FARS2: variants seen among roughly 807,000 people sequenced by gnomAD.
FARS2 encodes phenylalanyl-tRNA synthetase 2, mitochondrial, also known as phenylalanine--tRNA ligase, mitochondrial.
In FARS2, 40 loss-of-function variants were observed where a neutral mutation model predicts 46.4. The ratio of observed to expected loss-of-function variants is 0.86; its 90% CI spans 0.67 to 1.12. FARS2 has a LOEUF of 1.12. Among genes scored for constraint, FARS2 ranks in the 50% most tolerant of loss-of-function variants. The pLI is 0.00. For missense variants in FARS2, 513 were observed against 567.9 expected, an observed-to-expected ratio of 0.90 and a Z score of 0.98; for synonymous variants, 234 against 214.9, an observed-to-expected ratio of 1.09 and a Z score of -0.78.
chr6:5,692,086 C>T (rs940445513), intron 6 of FARS2, among the ~76,000 whole-genome samples: 5 of 152,242 alleles, frequency 3.3e-5, no homozygotes, highest in Non-Finnish European at 7.3e-5. Context: ...TGCCATCTGT[C>T]ACCCCTTTCT....
At chr6:5,468,446 T>C (rs200209) in intron 4 of FARS2, among the ~76,000 whole-genome samples, 132,717 of 152,158 alleles carry the variant, frequency 0.87, 58,155 homozygotes, top group East Asian at 1. Context: ...TTACAATAAT[T>C]GAATTCCCTT....
intron 5 of FARS2, among the ~76,000 whole-genome samples, chr6:5,577,658 A>G (rs1773065395): frequency 6.6e-6 from 1 of 152,190 alleles, no homozygotes. Flanking sequence ...ACTGCTTACT[A>G]AAACTATAGA....
intron 4 of FARS2, among the ~76,000 whole-genome samples, chr6:5,463,910 G>A (rs1344583834): frequency 6.6e-6 from 1 of 152,174 alleles, no homozygotes; most frequent in Middle Eastern, 3.2e-3. Flanking sequence ...CCTTGTTAAA[G>A]TGAAGGAATG....
chr6:5,509,631 A>G (rs1768309251), intron 4 of FARS2, among the ~76,000 whole-genome samples: 1 of 152,172 alleles, frequency 6.6e-6, no homozygotes, highest in African/African-American at 2.4e-5. Flanking sequence ...ATAATGATGG[A>G]GAAAAGGATG....
At position 5,764,716 on chromosome 6, in the gene FARS2, A is replaced by T. The variant is rs879639440; in HGVS notation, c.1218-6575A>T. Among the ~76,000 whole-genome samples the T allele has an allele frequency of 6.6e-6, 1 of 152,158 alleles. No homozygotes were observed. Among genetic ancestry groups the T allele is most frequent in the Non-Finnish European group, 1.5e-5 (1 of 68,026 alleles). ...TCTGTCACAGATGGAGAAGCAGACTATTGTGGATGTTGCAGGAGCTGGGAT... is the reference window on the plus strand; with the variant it reads ...TCTGTCACAGATGGAGAAGCAGACTTTTGTGGATGTTGCAGGAGCTGGGAT... On this transcript the variant is annotated intron_variant, in intron 6 of 6. Coordinates refer to ENST00000274680, the MANE Select transcript of FARS2 (RefSeq NM_006567.5). This position sits in a 1 kb window ranked among gnomAD's most constrained non-coding sequence, Gnocchi z 4.1.
At chr6:5,510,551 C>T (rs765798644) in intron 4 of FARS2, among the ~76,000 whole-genome samples, 7 of 152,222 alleles carry the variant, frequency 4.6e-5, no homozygotes, top group Non-Finnish European at 8.8e-5. Context: ...GGTGGGCACA[C>T]GGTGCCTTTT....
At chr6:5,680,752 T>G (rs1194433356) in intron 6 of FARS2, among the ~76,000 whole-genome samples, 1 of 151,840 alleles carries the variant, frequency 6.6e-6, no homozygotes, top group Non-Finnish European at 1.5e-5. Flanking sequence ...TTTTTTTTTT[T>G]TGCTTCTACA....
intron 6 of FARS2, among the ~76,000 whole-genome samples, chr6:5,629,472 T>TATAC (rs34185929): frequency 0.057 from 8,664 of 152,154 alleles, 726 homozygotes; most frequent in African/African-American, 0.19. Flanking sequence ...GTTGCCCACG[T>TATAC]ATACAGACAG....
chr6:5,558,606 G>T (rs1258697546), intron 5 of FARS2, among the ~76,000 whole-genome samples: 3 of 151,794 alleles, frequency 2.0e-5, no homozygotes, highest in Non-Finnish European at 4.4e-5. Flanking sequence ...GCATGATCTC[G>T]GCTCACTGCA....
At chr6:5,260,611 G>GGCCCCCCCC, upstream of FARS2, 28 of 1,377,676 alleles carry the variant, frequency 2.0e-5, no homozygotes, top group Non-Finnish European at 2.6e-5. Flanking sequence ...CCGGCCCCTG[G>GGCCCCCCCC]CCCCCCGCCC....
At chr6:5,580,754 C>A (rs1279759022) in intron 5 of FARS2, among the ~76,000 whole-genome samples, 2 of 152,180 alleles carry the variant, frequency 1.3e-5, no homozygotes, top group Non-Finnish European at 2.9e-5. Context: ...AGTTGGGAAA[C>A]CATTCTCAGG....
chr6:5,513,806 C>G (rs1270022244), intron 4 of FARS2, among the ~76,000 whole-genome samples: 9 of 152,118 alleles, frequency 5.9e-5, no homozygotes, highest in Admixed American at 4.6e-4. Context: ...TCTAAGTGGG[C>G]ACGTAGGCCC....
At chr6:5,695,860 A>G (rs916615468) in intron 6 of FARS2, among the ~76,000 whole-genome samples, 2 of 152,238 alleles carry the variant, frequency 1.3e-5, no homozygotes, top group Admixed American at 1.3e-4. Flanking sequence ...GTGGGGAAGG[A>G]GACTGCCAGG....
In FARS2 at chr6:5,629,239, A is replaced by T. The variant is rs1472744323; in HGVS notation, c.1217+15919A>T. The stretch of plus-strand genomic sequence containing the variant: ...TTGTCCTCAAGAAGCTCACAGTCTG[A>T]TAGGAGGTATCACATAGGTATATGT... On this transcript the variant is annotated intron_variant, in intron 6 of 6. Transcript: ENST00000274680. Among the ~76,000 whole-genome samples the T allele has an allele frequency of 2.6e-5, 4 of 152,214 alleles. No homozygotes were observed. In the South Asian group the frequency reaches 8.3e-4, roughly 32 times the overall value.
At chr6:5,535,122 G>A (rs1405256619) in intron 4 of FARS2, among the ~76,000 whole-genome samples, 3 of 152,132 alleles carry the variant, frequency 2.0e-5, no homozygotes, top group African/African-American at 7.2e-5. Context: ...GACTGATAAT[G>A]TTGAGTATCT....
At chr6:5,736,455 A>T (rs917892899) in intron 6 of FARS2, among the ~76,000 whole-genome samples, 2 of 151,362 alleles carry the variant, frequency 1.3e-5, no homozygotes, top group African/African-American at 4.9e-5. Context: ...GTCTCTGGAG[A>T]GCTGAGAGAA....
intron 6 of FARS2, among the ~76,000 whole-genome samples, chr6:5,702,131 T>C (rs372793154): frequency 3.5e-4 from 53 of 152,360 alleles, no homozygotes; most frequent in African/African-American, 1.3e-3. Flanking sequence ...GTGTAGCTTA[T>C]AGAAGGTGTC....
intron 6 of FARS2, among the ~76,000 whole-genome samples, chr6:5,678,497 A>G (rs1778875563): frequency 6.6e-6 from 1 of 152,204 alleles, no homozygotes; most frequent in Non-Finnish European, 1.5e-5. Flanking sequence ...TACATCAGAG[A>G]GGACATACTT....
chr6:5,733,233 G>A (rs972708665), intron 6 of FARS2, among the ~76,000 whole-genome samples: 1 of 152,146 alleles, frequency 6.6e-6, no homozygotes, highest in African/African-American at 2.4e-5. Flanking sequence ...GACATGGGGA[G>A]GAAATCACAG....
Sources: gnomAD v4.1 joint callset for allele counts (sites outside exome capture counted in the v4.1 genomes callset) on GRCh38, gnomAD v4.1.1 for gene constraint, Gnocchi (gnomAD v3.1) non-coding constraint, MANE v1.5 for transcripts, NCBI Gene and HGNC (gene_info 2026-07-23, HGNC 2026-07-21) for gene names.